The following PHACTR2 variants were observed in gnomAD, a reference collection of about 807,000 sequenced individuals.
PHACTR2 encodes the protein chromosome 6 open reading frame 56.
A neutral mutation model predicts 76.0 loss-of-function variants in PHACTR2; 30 were observed. That is an observed-to-expected ratio of 0.39 (90% confidence interval 0.30 to 0.54). The LOEUF is 0.54. Among genes scored for constraint, PHACTR2 ranks in the 20% least tolerant of loss-of-function variants. PHACTR2 has a pLI of 0.61. For missense variants in PHACTR2, 696 were observed against 781.1 expected (o/e 0.89, Z 1.30); for synonymous variants, 292 against 292.5 (o/e 1.00, Z 0.02).
At chr6:143,690,166 C>A (rs377544557) in intron 1 of PHACTR2, among the ~76,000 whole-genome samples, 5 of 152,212 alleles carry the variant, frequency 3.3e-5, no homozygotes, top group Admixed American at 3.3e-4. Flanking sequence ...ACATACCATC[C>A]CCACACTTTC....
chr6:143,539,323 T>C lies in PHACTR2; in HGVS notation c.217+2116T>C, dbSNP rs1420504763. On this transcript the variant is annotated intron_variant, in intron 1 of 11. Transcript: ENST00000367584. This position sits in a 1 kb window ranked among gnomAD's most constrained non-coding sequence, Gnocchi z 4.3. ...GATGTAGAAGAGTGAACATCTTTCATGTACCTGATTTCATTTTCAGAACTG... is the reference window on the plus strand; with the variant it reads ...GATGTAGAAGAGTGAACATCTTTCACGTACCTGATTTCATTTTCAGAACTG... Among the ~76,000 whole-genome samples, 1 of 152,260 alleles carries C rather than the reference T, an allele frequency of 6.6e-6. No homozygotes were observed. Among genetic ancestry groups the C allele is most frequent in the Non-Finnish European group, 1.5e-5 (1 of 68,048 alleles).
chr6:143,553,770 C>T lies in PHACTR2; in HGVS notation c.217+16563C>T, dbSNP rs1775126961. Among the ~76,000 whole-genome samples, 1 of 152,098 alleles carries T rather than the reference C, an allele frequency of 6.6e-6. No individual in the cohort carries two copies. Among genetic ancestry groups the T allele is most frequent in the South Asian group, 2.1e-4 (1 of 4,820 alleles). On this transcript the variant is annotated intron_variant, in intron 1 of 11. Coordinates refer to the PHACTR2 transcript ENST00000367584. The surrounding 1 kb of genome is among the most constrained non-coding windows in gnomAD (Gnocchi z 4.2). ...CTGGGAGACAGAGACAATACACAAA[C>T]TAAATAAACAATATTAGATGGTGAT...
At chr6:143,788,953 T>A (rs769744201) in intron 11 of PHACTR2, 43 bp downstream of exon 11, 16 of 1,574,092 alleles carry the variant, frequency 1.0e-5, no homozygotes, top group South Asian at 1.1e-5. Context: ...ATTGCTTTTC[T>A]GGAAGCTCCA....
chr6:143,814,748 G>A (rs948644388), intron 12 of PHACTR2, among the ~76,000 whole-genome samples: 8 of 151,844 alleles, frequency 5.3e-5, no homozygotes, highest in Non-Finnish European at 1.2e-4. Context: ...GACTACAGGC[G>A]CCCACCACTA....
chr6:143,794,081 A>G lies in PHACTR2; in HGVS notation c.1845+5171A>G, dbSNP rs2128480798. 6.6e-6 allele frequency among the ~76,000 whole-genome samples: 1 copy of G among 152,096 alleles called. No individual in the cohort carries two copies. Among genetic ancestry groups the G allele is most frequent in the East Asian group, 1.9e-4 (1 of 5,184 alleles). ...GCAAAAATAAAAAAAGAACCACTTTAATGCACGGTACTTTTAATAATTTCT... is the reference window on the plus strand; with the variant it reads ...GCAAAAATAAAAAAAGAACCACTTTGATGCACGGTACTTTTAATAATTTCT... On this transcript the variant is annotated intron_variant, in intron 11 of 12. Coordinates refer to ENST00000440869, the MANE Select transcript of PHACTR2 (RefSeq NM_001100164.2). This position sits in a 1 kb window ranked among gnomAD's most constrained non-coding sequence, Gnocchi z 4.1.
chr6:143,608,385 C>T lies in PHACTR2; in HGVS notation c.13+63C>T. 2 of 1,549,624 alleles carry T rather than the reference C, an allele frequency of 1.3e-6. No individual in the cohort carries two copies. Among genetic ancestry groups the T allele is most frequent in the East Asian group, 2.2e-5 (1 of 44,504 alleles). On this transcript the variant is annotated intron_variant, in intron 1 of 11. Coordinates refer to the PHACTR2 transcript ENST00000305766. This position sits in a 1 kb window ranked among gnomAD's most constrained non-coding sequence, Gnocchi z 4.6. ...CTTCCTTTGCAGCCCGCATCCTTTA[C>T]TGCGGAAGGTTTGCCTATTTGTTGC...
At chr6:143,607,271 A>G (rs1775889855), upstream of PHACTR2, among the ~76,000 whole-genome samples, 1 of 152,206 alleles carries the variant, frequency 6.6e-6, no homozygotes, top group Admixed American at 6.5e-5. Flanking sequence ...TCTTTGTACT[A>G]TATTTGAGAA....
rs1351928539 is a variant in PHACTR2 at position 143,641,856 on chromosome 6, C to A, written c.13+33534C>A. On this transcript the variant is annotated intron_variant, in intron 1 of 11. Transcript: ENST00000305766. This position sits in a 1 kb window ranked among gnomAD's most constrained non-coding sequence, Gnocchi z 5.8. Reference sequence around the variant, plus strand: ...AGCTTGTGGTAATTTGTCATGACAGCCACAAGAAGCAAATACAAGCAGCTG... The same window carrying A: ...AGCTTGTGGTAATTTGTCATGACAGACACAAGAAGCAAATACAAGCAGCTG... Among the ~76,000 whole-genome samples the A allele has an allele frequency of 2.0e-5, 3 of 152,068 alleles. No individual in the cohort carries two copies. Among genetic ancestry groups the A allele is most frequent in the African/African-American group, 7.2e-5 (3 of 41,402 alleles).
In PHACTR2 at chr6:143,823,056, T is replaced by C. The variant is rs1444078675; in HGVS notation, c.1923-618T>C. Reference sequence around the variant, plus strand: ...AGAAATGAATTGCTAATCTGAGGTTTCTAGACCAAAAATATTTTTAAAGAT... The same window carrying C: ...AGAAATGAATTGCTAATCTGAGGTTCCTAGACCAAAAATATTTTTAAAGAT... On this transcript the variant is annotated intron_variant, in intron 12 of 12. Coordinates refer to ENST00000440869, the MANE Select transcript of PHACTR2 (RefSeq NM_001100164.2). This position sits in a 1 kb window ranked among gnomAD's most constrained non-coding sequence, Gnocchi z 5.7. 6.6e-6 allele frequency among the ~76,000 whole-genome samples: 1 copy of C among 152,206 alleles called. No homozygotes were observed. The highest frequency in any genetic ancestry group is 1.5e-5 in the Non-Finnish European group (1 of 68,038).
chr6:143,788,997 G>C (rs368833333), intron 11 of PHACTR2, 87 bp downstream of exon 11: 1 of 1,242,468 alleles, frequency 8.0e-7, no homozygotes, highest in African/African-American at 1.5e-5. Flanking sequence ...GTCATCCCAG[G>C]GGACGAGATC....
At position 143,786,072 on chromosome 6, in the gene PHACTR2, C is replaced by A. The variant is rs566109807; in HGVS notation, c.1708-2701C>A. 2.0e-5 allele frequency among the ~76,000 whole-genome samples: 3 copies of A among 152,334 alleles called. No homozygotes were observed. The South Asian group carries it at 6.2e-4, about 32-fold the overall frequency. On this transcript the variant is annotated intron_variant, in intron 10 of 12. Coordinates refer to ENST00000440869, the MANE Select transcript of PHACTR2 (RefSeq NM_001100164.2). Reference sequence around the variant, plus strand: ...TGAATTTCTCCTCAAAAAATGGGTTCTTTTCTGCTGCATCCTCAGGCTGCA... The same window carrying A: ...TGAATTTCTCCTCAAAAAATGGGTTATTTTCTGCTGCATCCTCAGGCTGCA...
chr6:143,608,339 T>A lies in PHACTR2; in HGVS notation c.13+17T>A. On this transcript the variant is annotated intron_variant, in intron 1 of 11. Transcript: ENST00000305766. This position sits in a 1 kb window ranked among gnomAD's most constrained non-coding sequence, Gnocchi z 4.6. ...ACAACGCCGGTGGGTAAATCAAGCA[T>A]GAATTCTTCATAGCTGCTGGCTTCC... 1 of 1,613,854 alleles carries A rather than the reference T, an allele frequency of 6.2e-7. No individual in the cohort carries two copies. The highest frequency in any genetic ancestry group is 8.5e-7 in the Non-Finnish European group (1 of 1,179,718).
At chr6:143,636,089 C>G (rs9390125) in intron 1 of PHACTR2, among the ~76,000 whole-genome samples, 14,136 of 147,682 alleles carry the variant, frequency 0.096, 723 homozygotes, top group African/African-American at 0.15. Context: ...GTGGTACACA[C>G]CTGTAGTCCC....
At chr6:143,690,890 C>T (rs1369883552) in intron 1 of PHACTR2, among the ~76,000 whole-genome samples, 1 of 152,060 alleles carries the variant, frequency 6.6e-6, no homozygotes, top group Non-Finnish European at 1.5e-5. Context: ...TGTGGTATTC[C>T]TGTATTTTTC....
rs1259567938 is a variant in PHACTR2 at position 143,823,770 on chromosome 6, G to A, written c.*81G>A. ...TTCCTGAAAACCTGATATTGCACTG[G>A]GATTTGAATGTGTGTGTTTCCGTTT... On this transcript the variant is annotated 3_prime_UTR_variant, in exon 13 of 13. Transcript: ENST00000440869. This position sits in a 1 kb window ranked among gnomAD's most constrained non-coding sequence, Gnocchi z 5.7. The A allele has an allele frequency of 4.6e-6, 5 of 1,097,888 alleles. No homozygotes were observed. Among genetic ancestry groups the A allele is most frequent in the Non-Finnish European group, 7.0e-6 (5 of 711,548 alleles). 68.0% of individuals were successfully genotyped at this position (1,097,888 alleles called of 1,614,324 possible). A position where few individuals can be genotyped will look rare whatever the true frequency, so the allele number is the denominator to read the frequency against.
In PHACTR2 at chr6:143,555,516, GA is replaced by G. The variant is rs1048708017; in HGVS notation, c.217+18316del. Among the ~76,000 whole-genome samples the G allele has an allele frequency of 1.1e-4, 17 of 151,688 alleles. 2 individuals carry two copies. The highest frequency in any genetic ancestry group is 3.9e-4 in the East Asian group (2 of 5,168). ...AACCATCTGTTGAAAAGTTCTGTGG[GA>G]AAAAAAGGGGTCTTTGTGGCCTGTG... is the stretch of plus-strand genomic sequence containing the variant. On this transcript the variant is annotated intron_variant, in intron 1 of 11. Coordinates refer to the PHACTR2 transcript ENST00000367584.
chr6:143,753,639 A>T lies in PHACTR2; in HGVS notation c.296-115A>T. The T allele has an allele frequency of 1.5e-6, 1 of 683,814 alleles. No individual in the cohort carries two copies. Among genetic ancestry groups the T allele is most frequent in the Non-Finnish European group, 2.5e-6 (1 of 401,174 alleles). The allele number at this position is 683,814 out of a possible 1,614,324, so 42.4% of individuals were successfully genotyped here. ...AAACCGGTGAAACAGTGCAGGGTGTATTTGGTTCCCAGGGACTGAAACATG... is the reference window on the plus strand; with the variant it reads ...AAACCGGTGAAACAGTGCAGGGTGTTTTTGGTTCCCAGGGACTGAAACATG... On this transcript the variant is annotated intron_variant, in intron 3 of 12. Transcript: ENST00000440869. The surrounding 1 kb of genome is among the most constrained non-coding windows in gnomAD (Gnocchi z 4.6).
intron 1 of PHACTR2, among the ~76,000 whole-genome samples, chr6:143,699,618 C>G (rs1777853375): frequency 1.3e-5 from 2 of 152,184 alleles, no homozygotes; most frequent in South Asian, 4.1e-4. Context: ...GTTCTGCCAG[C>G]ACCTGAAGTT....
In PHACTR2 at chr6:143,688,708, C is replaced by A. The variant is rs1777574842; in HGVS notation, c.46+10499C>A. Among the ~76,000 whole-genome samples the A allele has an allele frequency of 6.6e-6, 1 of 152,188 alleles. No homozygotes were observed. The highest frequency in any genetic ancestry group is 1.9e-4 in the East Asian group (1 of 5,186). ...TTCCCAAATATATCTCAAGTCCATGCTCTTCCGTCTGTCCCTACTGCCACC... is the reference window on the plus strand; with the variant it reads ...TTCCCAAATATATCTCAAGTCCATGATCTTCCGTCTGTCCCTACTGCCACC... On this transcript the variant is annotated intron_variant, in intron 1 of 12. Transcript: ENST00000440869. This position sits in a 1 kb window ranked among gnomAD's most constrained non-coding sequence, Gnocchi z 5.2.
Sources: gnomAD v4.1 joint callset for allele counts (sites outside exome capture counted in the v4.1 genomes callset) on GRCh38, gnomAD v4.1.1 for gene constraint, Gnocchi (gnomAD v3.1) non-coding constraint, MANE v1.5 for transcripts, NCBI Gene and HGNC (gene_info 2026-07-23, HGNC 2026-07-21) for gene names.